The following PCDHA6 variants were observed in gnomAD, a reference collection of about 807,000 sequenced individuals.
The protein encoded by PCDHA6 is protocadherin alpha 6, also known as protocadherin alpha-6.
Under a neutral mutation model 60.3 loss-of-function variants are expected in PCDHA6, and 55 were observed. The ratio of observed to expected loss-of-function variants is 0.91; its 90% CI spans 0.73 to 1.14. The LOEUF (loss-of-function observed/expected upper bound fraction) is 1.14. Among genes scored for constraint, PCDHA6 ranks in the 50% most tolerant of loss-of-function variants. The pLI is 0.00. For synonymous variants in PCDHA6, 652 were observed against 557.9 expected (o/e 1.17, Z -2.38); for missense variants, 1,327 against 1,256.5 (o/e 1.06, Z -0.85).
At chr5:140,848,251 T>C (rs1419799302) in intron 1 of PCDHA6, 3 of 465,726 alleles carry the variant, frequency 6.4e-6, no homozygotes, top group Non-Finnish European at 1.1e-5. Flanking sequence ...GCAGAATAAC[T>C]GTGAAATTTT....
rs149296153 is a variant in PCDHA6, at chr5:140,837,442, G to A, written c.2394+6957G>A. Among the ~76,000 whole-genome samples the A allele has an allele frequency of 1.9e-4, 29 of 151,938 alleles. No individual in the cohort carries two copies. The East Asian group carries it at 5.2e-3, about 27-fold the overall frequency. Reference sequence around the variant, plus strand: ...AATTTCAAAGAGTGAAATCTAGTACGTAGTAAAAAATCTCCTTGCCTCCTC... The same window carrying A: ...AATTTCAAAGAGTGAAATCTAGTACATAGTAAAAAATCTCCTTGCCTCCTC... On this transcript the variant is annotated intron_variant, in intron 1 of 3. Coordinates refer to ENST00000529310, the MANE Select transcript of PCDHA6 (RefSeq NM_018909.4).
intron 1 of PCDHA6, among the ~76,000 whole-genome samples, chr5:140,911,789 G>A (rs1399185754): frequency 6.6e-6 from 1 of 152,024 alleles, no homozygotes; most frequent in Non-Finnish European, 1.5e-5. Flanking sequence ...GCATTTTTGG[G>A]TCTAATCATA....
intron 1 of PCDHA6, chr5:140,851,026 C>A (rs1554145197): frequency 2.8e-6 from 4 of 1,416,346 alleles, no homozygotes; most frequent in Admixed American, 5.4e-5. Flanking sequence ...ATAAAGTAAA[C>A]CCCTTAACAT....
At chr5:140,898,235 T>G (rs1386232934) in intron 1 of PCDHA6, among the ~76,000 whole-genome samples, 1 of 152,220 alleles carries the variant, frequency 6.6e-6, no homozygotes, top group Non-Finnish European at 1.5e-5. Flanking sequence ...TGCCATTGCT[T>G]TTGGTGTTTT....
At chr5:140,903,695 A>G (rs1325722558) in intron 1 of PCDHA6, among the ~76,000 whole-genome samples, 9 of 152,238 alleles carry the variant, frequency 5.9e-5, no homozygotes, top group African/African-American at 1.7e-4. Flanking sequence ...AATAGTTTAA[A>G]ATAGTAATAA....
At chr5:140,997,533 A>G (rs1247028089) in intron 3 of PCDHA6, among the ~76,000 whole-genome samples, 1 of 152,230 alleles carries the variant, frequency 6.6e-6, no homozygotes, top group Non-Finnish European at 1.5e-5. Context: ...CAATAAAAAT[A>G]CATTATTATA....
At chr5:140,948,271 T>C (rs1295867135) in intron 1 of PCDHA6, among the ~76,000 whole-genome samples, 4 of 151,646 alleles carry the variant, frequency 2.6e-5, no homozygotes, top group Non-Finnish European at 5.9e-5. Flanking sequence ...TCATGTAGAA[T>C]ATCTGTAAAT....
intron 1 of PCDHA6, chr5:140,868,045 A>G (rs1452350688): frequency 3.3e-5 from 5 of 152,130 alleles, no homozygotes; most frequent in African/African-American, 1.2e-4. Flanking sequence ...GGAAATACCA[A>G]TATGGCACAA....
rs374659815 is a variant in PCDHA6 at position 140,871,353 on chromosome 5, G to A, written c.2394+40868G>A. 3.6e-5 allele frequency: 58 copies of A among 1,614,214 alleles called. No homozygotes were observed. The African/African-American group carries it at 5.1e-4, about 14-fold the overall frequency. ...GCGCGGTGGGGAGCTGGTCATACTC[G>A]CAGCAGAGGCGGCAGAGGGTGTGCT... On this transcript the variant is annotated intron_variant, in intron 1 of 3. Coordinates refer to ENST00000529310, the MANE Select transcript of PCDHA6 (RefSeq NM_018909.4).
At chr5:140,999,263 A>G (rs566864160) in intron 3 of PCDHA6, among the ~76,000 whole-genome samples, 3 of 152,346 alleles carry the variant, frequency 2.0e-5, no homozygotes, top group East Asian at 1.9e-4. Context: ...TAGTAAAGGA[A>G]TACTGCATAG....
chr5:140,930,404 T>C (rs2086793049), intron 1 of PCDHA6: 1 of 152,170 alleles, frequency 6.6e-6, no homozygotes, highest in African/African-American at 2.4e-5. Flanking sequence ...TTTTTTTTTT[T>C]TGAGACAGGG....
chr5:140,930,394 T>C (rs531643898), intron 1 of PCDHA6: 1 of 145,356 alleles, frequency 6.9e-6, no homozygotes, highest in South Asian at 2.2e-4. Flanking sequence ...TCAAAACTTC[T>C]TTTTTTTTTT....
intron 1 of PCDHA6, among the ~76,000 whole-genome samples, chr5:140,945,947 A>C (rs2093865061): frequency 6.6e-6 from 1 of 152,132 alleles, no homozygotes; most frequent in Non-Finnish European, 1.5e-5. Flanking sequence ...TTTTTATATG[A>C]CCCTGAAAGC....
chr5:140,911,884 C>A (rs1283685498), intron 1 of PCDHA6, among the ~76,000 whole-genome samples: 1 of 152,050 alleles, frequency 6.6e-6, no homozygotes, highest in Non-Finnish European at 1.5e-5. Flanking sequence ...CTCCTGGGAC[C>A]AAAATCTGTA....
At chr5:140,966,414 G>A (rs1310333281) in intron 1 of PCDHA6, 5 of 420,334 alleles carry the variant, frequency 1.2e-5, no homozygotes, top group African/African-American at 2.1e-5. Context: ...AATCAGAGCA[G>A]GACTTGCTGA....
intron 3 of PCDHA6, among the ~76,000 whole-genome samples, chr5:141,007,315 C>A (rs1207897662): frequency 1.3e-5 from 2 of 148,308 alleles, no homozygotes; most frequent in Admixed American, 1.4e-4. Flanking sequence ...TTTTGGGAGG[C>A]TAAAGTGGAC....
intron 1 of PCDHA6, chr5:140,856,142 T>G (rs1554148241): frequency 6.3e-7 from 1 of 1,598,118 alleles, no homozygotes; most frequent in East Asian, 2.2e-5. Flanking sequence ...CCAGCTCCAC[T>G]ACTCAGTCTA....
At chr5:140,853,674 G>A (rs1554146796) in intron 1 of PCDHA6, 1 of 988,402 alleles carries the variant, frequency 1.0e-6, no homozygotes, top group East Asian at 1.1e-4. Flanking sequence ...GGGGCCTATG[G>A]TCAACCTATC....
At chr5:140,876,133 GAACT>G (rs782651538) in intron 1 of PCDHA6, 8 of 1,613,820 alleles carry the variant, frequency 5.0e-6, no homozygotes, top group East Asian at 2.2e-5. Flanking sequence ...CGGTAAACCA[GAACT>G]AACAGGGTCT....
Sources: allele counts gnomAD v4.1 joint callset (sites outside exome capture counted in the v4.1 genomes callset), GRCh38; gene constraint gnomAD v4.1.1; transcripts MANE v1.5; gene names NCBI Gene and HGNC (gene_info 2026-07-23, HGNC 2026-07-21).